The following GDF1 variants were observed in gnomAD, a reference collection of about 807,000 sequenced individuals.
GDF1 encodes embryonic growth/differentiation factor 1.
GDF1 carries 8 observed loss-of-function variants against 7.4 expected under a neutral mutation model. The ratio of observed to expected loss-of-function variants is 1.09; its 90% CI spans 0.64 to 1.96. The LOEUF is 1.96. GDF1 is among the 30% of genes most tolerant of loss of function. GDF1 has a pLI of 0.00. For missense variants in GDF1, 574 were observed against 551.5 expected, an observed-to-expected ratio of 1.04 and a Z score of -0.41; for synonymous variants, 311 against 276.7, an observed-to-expected ratio of 1.12 and a Z score of -1.23.
At chr19:18,886,493 T>G (rs1442460891) in intron 2 of GDF1, among the ~76,000 whole-genome samples, 1 of 151,970 alleles carries the variant, frequency 6.6e-6, no homozygotes, top group African/African-American at 2.4e-5. Context: ...GCAGAGGTGG[T>G]GGCAGGAACT....
At position 18,868,913 on chromosome 19, in the gene GDF1, C is replaced by A; in HGVS notation, c.803G>T (p.Arg268Leu). 7.3e-7 allele frequency: 1 copy of A among 1,370,566 alleles called. No individual in the cohort carries two copies. The highest frequency in any genetic ancestry group is 9.5e-7 in the Non-Finnish European group (1 of 1,052,704). The allele number at this position is 1,370,566 out of a possible 1,614,324, so 84.9% of individuals were successfully genotyped here. The change falls in exon 8 of 8, where the codon CGC becomes CTC. Residue 268 changes from arginine (R) to leucine (L), a missense_variant. Physicochemically the swap from Arg to Leu is moderately radical, Grantham distance 102 (BLOSUM62 -2). Transcript: ENST00000247005. ...VLGGGPGGAC[R>L]ARRLYVSFRE... Reference sequence around the variant, plus strand: ...GAAGCTCACGTACAGCCGCCGCGCGCGACAAGCGCCCCCGGGGCCGCCGCC... The same window carrying A: ...GAAGCTCACGTACAGCCGCCGCGCGAGACAAGCGCCCCCGGGGCCGCCGCC...
In GDF1 at chr19:18,869,245, TGCC is replaced by T. The variant is rs571387097; in HGVS notation, c.468_470del (p.Ala158del). 2.2e-4 allele frequency: 311 copies of T among 1,421,404 alleles called. No individual in the cohort carries two copies. Among genetic ancestry groups the T allele is most frequent in the South Asian group, 8.2e-4 (56 of 67,904 alleles). The allele number at this position is 1,421,404 out of a possible 1,614,324, so 88.0% of individuals were successfully genotyped here. A position where few individuals can be genotyped will look rare whatever the true frequency, so the allele number is the denominator to read the frequency against. On this transcript the variant is annotated inframe_deletion, in exon 8 of 8. Transcript: ENST00000247005. ...TCAGCTCCCAGCCGCCCTCCGGGGC[TGCC>T]GCCGCCGCCGCCGCGAAACGCAGCT...
intron 2 of GDF1, among the ~76,000 whole-genome samples, chr19:18,890,215 G>A (rs1206724343): frequency 2.0e-5 from 3 of 151,962 alleles, no homozygotes; most frequent in East Asian, 1.9e-4. Context: ...CCTTAAGTGG[G>A]GCCACCCCTG....
At chr19:18,879,430 G>A (rs372433400) in intron 4 of GDF1, 42 bp from the exon 5 acceptor site, 73 of 1,546,046 alleles carry the variant, frequency 4.7e-5, no homozygotes, top group Non-Finnish European at 5.7e-5. Context: ...GGAGGGGGAC[G>A]GTGCCCTACC....
rs1490229196 is a variant in GDF1, at chr19:18,895,904, G to A, written c.-1154C>T. 1 of 1,252,390 alleles carries A rather than the reference G, an allele frequency of 8.0e-7. No individual in the cohort carries two copies. The highest frequency in any genetic ancestry group is 1.0e-6 in the Non-Finnish European group (1 of 997,530). The allele number at this position is 1,252,390 out of a possible 1,614,324, so 77.6% of individuals were successfully genotyped here. On this transcript the variant is annotated 5_prime_UTR_variant, in exon 1 of 8. Coordinates refer to ENST00000247005, the MANE Select transcript of GDF1 (RefSeq NM_001492.6). The surrounding 1 kb of genome is among the most constrained non-coding windows in gnomAD (Gnocchi z 6.4). Reference sequence around the variant, plus strand: ...AGCGCCAGCAGCAGCAGCTCGGGCGGCGCCAGGTGCGCGTGCTCAGCCAGG... The same window carrying A: ...AGCGCCAGCAGCAGCAGCTCGGGCGACGCCAGGTGCGCGTGCTCAGCCAGG...
rs532379408 is a variant in GDF1 at position 18,893,933 on chromosome 19, A to G, written c.-1073-358T>C. 1.5e-3 allele frequency among the ~76,000 whole-genome samples: 216 copies of G among 144,158 alleles called. 1 individual carries two copies. Among genetic ancestry groups the G allele is most frequent in the Non-Finnish European group, 1.5e-3 (101 of 66,014 alleles). 94.6% of individuals were successfully genotyped at this position (144,158 alleles called of 152,430 possible). A position where few individuals can be genotyped will look rare whatever the true frequency, so the allele number is the denominator to read the frequency against. On this transcript the variant is annotated intron_variant, in intron 1 of 7. Transcript: ENST00000247005. ...GGTGGGGGTGACCCTTGAAGGGAAC[A>G]TGGAGGGGGTTATATGGGGGCATCT... is the stretch of plus-strand genomic sequence containing the variant.
chr19:18,880,645 C>G (rs1327123494), intron 3 of GDF1, among the ~76,000 whole-genome samples: 5 of 151,930 alleles, frequency 3.3e-5, no homozygotes, highest in Admixed American at 3.3e-4. Context: ...CACCCCCAAC[C>G]AGACCCTCAT....
At chr19:18,891,100 G>A (rs2056479320) in intron 2 of GDF1, among the ~76,000 whole-genome samples, 1 of 151,846 alleles carries the variant, frequency 6.6e-6, no homozygotes, top group Non-Finnish European at 1.5e-5. Flanking sequence ...CTCCAGACTG[G>A]GTGACAGAGT....
chr19:18,887,050 AT>A, intron 2 of GDF1, among the ~76,000 whole-genome samples: 1 of 152,360 alleles, frequency 6.6e-6, no homozygotes, highest in East Asian at 1.9e-4. Flanking sequence ...ACTCAAAGAG[AT>A]ACTCATGTGT....
In GDF1 at chr19:18,878,829, C is replaced by CGGCCTCATCTGCTGCT; in HGVS notation, c.-313+85_-313+100dup. ...TAGGCTTGGGGGGCAGCATCCGCGT[C>CGGCCTCATCTGCTGCT]GGCCTCATCTGCTGCTGGGTCTTGG... On this transcript the variant is annotated intron_variant, in intron 6 of 7. Transcript: ENST00000247005. The surrounding 1 kb of genome is among the most constrained non-coding windows in gnomAD (Gnocchi z 4.6). The CGGCCTCATCTGCTGCT allele has an allele frequency of 6.6e-7, 1 of 1,520,522 alleles. No individual in the cohort carries two copies. Among genetic ancestry groups the CGGCCTCATCTGCTGCT allele is most frequent in the Admixed American group, 2.0e-5 (1 of 49,328 alleles). The allele number at this position is 1,520,522 out of a possible 1,614,324, so 94.2% of individuals were successfully genotyped here. A position where few individuals can be genotyped will look rare whatever the true frequency, so the allele number is the denominator to read the frequency against.
At chr19:18,889,948 T>C (rs1349387852) in intron 2 of GDF1, among the ~76,000 whole-genome samples, 4 of 152,138 alleles carry the variant, frequency 2.6e-5, no homozygotes, top group Admixed American at 6.5e-5. Context: ...ATTGGCCACT[T>C]TGCTCCCATC....
intron 7 of GDF1, 103 bp from the exon 8 acceptor site, chr19:18,869,493 G>A (rs2055922964): frequency 4.4e-6 from 6 of 1,376,374 alleles, no homozygotes; most frequent in East Asian, 6.4e-5. Context: ...GGCTCGGGGC[G>A]CACCGTCTGT....
In GDF1 at chr19:18,896,034, G is replaced by T; in HGVS notation, c.-1284C>A. ...GCTGCGCGTAGCTCGGCATGGGCTCGGGCCCCGTCGGCCCCGCCGCGGGCC... is the reference window on the plus strand; with the variant it reads ...GCTGCGCGTAGCTCGGCATGGGCTCTGGCCCCGTCGGCCCCGCCGCGGGCC... On this transcript the variant is annotated 5_prime_UTR_variant, in exon 1 of 8. Coordinates refer to ENST00000247005, the MANE Select transcript of GDF1 (RefSeq NM_001492.6). The surrounding 1 kb of genome is among the most constrained non-coding windows in gnomAD (Gnocchi z 5.9). 1 of 992,064 alleles carries T rather than the reference G, an allele frequency of 1.0e-6. No homozygotes were observed. The highest frequency in any genetic ancestry group is 1.2e-6 in the Non-Finnish European group (1 of 835,994). The allele number at this position is 992,064 out of a possible 1,614,324, so 61.5% of individuals were successfully genotyped here.
chr19:18,872,006 C>T (rs1474735174), intron 6 of GDF1, among the ~76,000 whole-genome samples: 1 of 152,234 alleles, frequency 6.6e-6, no homozygotes, highest in Non-Finnish European at 1.5e-5. Flanking sequence ...AAGACACACC[C>T]TCACTGTGTT....
In GDF1 at chr19:18,893,518, C is replaced by T. The variant is rs755528875; in HGVS notation, c.-1016G>A. The T allele has an allele frequency of 6.2e-6, 10 of 1,610,548 alleles. No homozygotes were observed. The East Asian group carries it at 6.7e-5, about 11-fold the overall frequency. ...CCCAGGTAGAAGAGAAACTTCCAAGCGCTCTCGGGCATCTTGGCGGCATCT... is the reference window on the plus strand; with the variant it reads ...CCCAGGTAGAAGAGAAACTTCCAAGTGCTCTCGGGCATCTTGGCGGCATCT... On this transcript the variant is annotated 5_prime_UTR_variant, in exon 2 of 8. Transcript: ENST00000247005.
intron 6 of GDF1, among the ~76,000 whole-genome samples, chr19:18,872,989 C>T (rs1353104665): frequency 2.0e-5 from 3 of 152,156 alleles, no homozygotes; most frequent in African/African-American, 7.2e-5. Flanking sequence ...TGGCTTCTAT[C>T]CACCACTGTG....
Position 18,878,698 on chromosome 19 carries a change from C to T in GDF1, c.-313+232G>A, listed in dbSNP as rs1034624873. Reference sequence around the variant, plus strand: ...TCCCTACCGCTGAGACCCTGCCTGTCGCCCTGCCTGCCCCTCCCCAGCCTC... The same window carrying T: ...TCCCTACCGCTGAGACCCTGCCTGTTGCCCTGCCTGCCCCTCCCCAGCCTC... On this transcript the variant is annotated intron_variant, in intron 6 of 7. Coordinates refer to ENST00000247005, the MANE Select transcript of GDF1 (RefSeq NM_001492.6). This position sits in a 1 kb window ranked among gnomAD's most constrained non-coding sequence, Gnocchi z 4.6. 76 of 1,365,450 alleles carry T rather than the reference C, an allele frequency of 5.6e-5. No individual in the cohort carries two copies. Among genetic ancestry groups the T allele is most frequent in the Admixed American group, 2.2e-4 (7 of 32,492 alleles). The allele number at this position is 1,365,450 out of a possible 1,614,324, so 84.6% of individuals were successfully genotyped here.
At chr19:18,882,399 G>A (rs532892509) in intron 3 of GDF1, among the ~76,000 whole-genome samples, 6 of 151,630 alleles carry the variant, frequency 4.0e-5, no homozygotes, top group Admixed American at 6.6e-5. Flanking sequence ...TTGGGAGGCC[G>A]AGGCAGGTGG....
At chr19:18,869,585 G>GC (rs1427718311) in intron 7 of GDF1, among the ~76,000 whole-genome samples, 195 bp from the exon 8 acceptor site, 1 of 150,992 alleles carries the variant, frequency 6.6e-6, no homozygotes, top group Admixed American at 6.6e-5. Context: ...GCGGGGTGCG[G>GC]CGGGGGGGGT....
Sources: gnomAD v4.1 joint callset for allele counts (sites outside exome capture counted in the v4.1 genomes callset) on GRCh38, gnomAD v4.1.1 for gene constraint, Gnocchi (gnomAD v3.1) non-coding constraint, MANE v1.5 for transcripts, NCBI Gene and HGNC (gene_info 2026-07-23, HGNC 2026-07-21) for gene names.